MAP3K13: variants seen among roughly 807,000 people sequenced by gnomAD.
MAP3K13 encodes leucine zipper-bearing kinase.
Under a neutral mutation model 104.0 loss-of-function variants are expected in MAP3K13, and 52 were observed. That is an observed-to-expected ratio of 0.50 (90% confidence interval 0.40 to 0.63). The LOEUF (loss-of-function observed/expected upper bound fraction) is 0.63. Ranked by LOEUF, MAP3K13 falls within the 20% of genes least tolerant of loss-of-function variation. The pLI, the probability that MAP3K13 is intolerant of heterozygous loss-of-function variation, is 0.00. For synonymous variants in MAP3K13, 394 were observed against 442.2 expected, an observed-to-expected ratio of 0.89 and a Z score of 1.37; for missense variants, 914 against 1,218.5, an observed-to-expected ratio of 0.75 and a Z score of 3.72.
chr3:185,363,912 G>A (rs1723754124), intron 1 of MAP3K13, among the ~76,000 whole-genome samples: 1 of 152,154 alleles, frequency 6.6e-6, no homozygotes, highest in Non-Finnish European at 1.5e-5. Context: ...CTCTTATGAC[G>A]GGAGCCATAG....
chr3:185,299,990 G>A (rs1382349877), intron 2 of MAP3K13, among the ~76,000 whole-genome samples: 1 of 152,080 alleles, frequency 6.6e-6, no homozygotes, highest in African/African-American at 2.4e-5. Context: ...TGTACCCCTT[G>A]AATAACTCAC....
At chr3:185,301,363 A>G (rs796266294) in intron 2 of MAP3K13, among the ~76,000 whole-genome samples, 53 of 151,430 alleles carry the variant, frequency 3.5e-4, no homozygotes, top group African/African-American at 1.2e-3. Flanking sequence ...ATATTAATAT[A>G]TTCTGGATTT....
chr3:185,455,775 T>G (rs576662259), intron 7 of MAP3K13, among the ~76,000 whole-genome samples: 66 of 66,534 alleles, frequency 9.9e-4, no homozygotes, highest in African/African-American at 2.4e-3. Flanking sequence ...ATATATATGA[T>G]ATATATATGA....
At position 185,460,027 on chromosome 3, in the gene MAP3K13, G is replaced by A. The variant is rs112237660; in HGVS notation, c.1279-3523G>A. 1.6e-3 allele frequency among the ~76,000 whole-genome samples: 236 copies of A among 152,252 alleles called. 1 individual carries two copies. The highest frequency in any genetic ancestry group is 5.3e-3 in the African/African-American group (219 of 41,538). On this transcript the variant is annotated intron_variant, in intron 7 of 13. Coordinates refer to ENST00000265026, the MANE Select transcript of MAP3K13 (RefSeq NM_004721.5). ...TGTGTTTTCAAGGTTCACGTATTTT[G>A]TAGCACGTGTCACAACTTCATTACT...
intron 1 of MAP3K13, among the ~76,000 whole-genome samples, chr3:185,383,901 G>A (rs540636024): frequency 1.3e-5 from 2 of 152,206 alleles, no homozygotes; most frequent in African/African-American, 2.4e-5. Context: ...ATCGTATCAG[G>A]GTATTTAGGA....
chr3:185,363,552 C>T (rs1044435988), intron 1 of MAP3K13, among the ~76,000 whole-genome samples, 184 bp downstream of exon 1: 2 of 152,152 alleles, frequency 1.3e-5, no homozygotes, highest in Non-Finnish European at 1.5e-5. Flanking sequence ...CTGAAACTGA[C>T]AGCTGGTTTT....
In MAP3K13 at chr3:185,428,788, G is replaced by A; in HGVS notation, c.207G>A (p.Leu69=). The change falls in exon 2 of 14, where the codon TTG becomes TTA. Residue 69 remains leucine, a synonymous_variant. Transcript: ENST00000265026. Reference sequence around the variant, plus strand: ...ACAGCCCCGTCACCACAACAGTGTTGACGAGCGTAAGTGAGGATTCCAGGG... The same window carrying A: ...ACAGCCCCGTCACCACAACAGTGTTAACGAGCGTAAGTGAGGATTCCAGGG... The part of the protein sequence containing the change: ...SVHSPVTTTV[L]TSVSEDSRDQ... The A allele has an allele frequency of 6.2e-7, 1 of 1,614,192 alleles. No individual in the cohort carries two copies. The highest frequency in any genetic ancestry group is 8.5e-7 in the Non-Finnish European group (1 of 1,180,032).
At chr3:185,427,807 G>A (rs187543933) in intron 1 of MAP3K13, among the ~76,000 whole-genome samples, 232 of 152,240 alleles carry the variant, frequency 1.5e-3, no homozygotes, top group Non-Finnish European at 2.8e-3. Context: ...GGCCGGGCAC[G>A]GTGGCTCACG....
intron 1 of MAP3K13, among the ~76,000 whole-genome samples, chr3:185,377,056 G>A (rs1724463122): frequency 6.6e-6 from 1 of 152,098 alleles, no homozygotes; most frequent in Non-Finnish European, 1.5e-5. Context: ...AGAGGTTGTG[G>A]AGGGAGGTAT....
chr3:185,348,491 A>G (rs1447499883), intron 2 of MAP3K13, among the ~76,000 whole-genome samples: 1 of 152,198 alleles, frequency 6.6e-6, no homozygotes, highest in Non-Finnish European at 1.5e-5. Flanking sequence ...CTAAAGTTAG[A>G]CAAGCATTTT....
intron 2 of MAP3K13, among the ~76,000 whole-genome samples, chr3:185,434,562 A>G (rs1714918220): frequency 6.6e-6 from 1 of 152,216 alleles, no homozygotes; most frequent in African/African-American, 2.4e-5. Flanking sequence ...CAGAACAACT[A>G]TTAGAACTTA....
At chr3:185,436,217 GT>G (rs1340860542) in intron 2 of MAP3K13, among the ~76,000 whole-genome samples, 2 of 152,134 alleles carry the variant, frequency 1.3e-5, no homozygotes, top group East Asian at 3.8e-4. Context: ...GGTAAAAATA[GT>G]TTTTAAGACA....
At chr3:185,400,932 T>G (rs1008408083) in intron 1 of MAP3K13, among the ~76,000 whole-genome samples, 10 of 149,526 alleles carry the variant, frequency 6.7e-5, no homozygotes, top group African/African-American at 2.5e-4. Context: ...TGTCTTCTTT[T>G]GATCTGCTAA....
intron 2 of MAP3K13, among the ~76,000 whole-genome samples, chr3:185,337,969 T>G (rs969623849): frequency 2.6e-5 from 4 of 152,090 alleles, no homozygotes; most frequent in Non-Finnish European, 4.4e-5. Context: ...TGAAAAATTG[T>G]AAAGGGCTGC....
chr3:185,330,821 A>G (rs1306795764), intron 2 of MAP3K13, among the ~76,000 whole-genome samples: 2 of 152,258 alleles, frequency 1.3e-5, no homozygotes, highest in Middle Eastern at 3.4e-3. Context: ...GCTTTCAAGC[A>G]TGTGTTTTAC....
At chr3:185,430,188 TC>T (rs1714663939) in intron 2 of MAP3K13, among the ~76,000 whole-genome samples, 1 of 151,710 alleles carries the variant, frequency 6.6e-6, no homozygotes, top group South Asian at 2.1e-4. Flanking sequence ...ACAGTGAAAC[TC>T]TGCCTCAAAA....
intron 2 of MAP3K13, chr3:185,291,902 C>G: frequency 1.0e-6 from 1 of 961,588 alleles, no homozygotes; most frequent in Non-Finnish European, 1.2e-6. Flanking sequence ...ACAGTGCTTT[C>G]CAAAAAAAAA....
At chr3:185,312,308 A>C (rs1470220598) in intron 2 of MAP3K13, among the ~76,000 whole-genome samples, 1 of 152,210 alleles carries the variant, frequency 6.6e-6, no homozygotes, top group Non-Finnish European at 1.5e-5. Context: ...AGAAGATAGA[A>C]GCTCGGATAT....
intron 2 of MAP3K13, among the ~76,000 whole-genome samples, chr3:185,297,400 T>C (rs1720950805): frequency 6.6e-6 from 1 of 152,196 alleles, no homozygotes; most frequent in South Asian, 2.1e-4. Context: ...GTCCAGTGGT[T>C]GTGGCTTCCT....
Sources: gnomAD v4.1 joint callset for allele counts (sites outside exome capture counted in the v4.1 genomes callset) on GRCh38, gnomAD v4.1.1 for gene constraint, MANE v1.5 for transcripts, NCBI Gene and HGNC (gene_info 2026-07-23, HGNC 2026-07-21) for gene names.